The following AKAP12 variants were observed in gnomAD, a reference collection of about 807,000 sequenced individuals.
The protein encoded by AKAP12 is A-kinase anchor protein 12.
In AKAP12, 32 loss-of-function variants were observed where a neutral mutation model predicts 79.9. The ratio of observed to expected loss-of-function variants is 0.40; its 90% CI spans 0.30 to 0.54. The LOEUF (loss-of-function observed/expected upper bound fraction) is 0.54, where lower values mean the gene tolerates loss of function less well. Ranked by LOEUF, AKAP12 falls within the 20% of genes least tolerant of loss-of-function variation. AKAP12 has a pLI of 0.48. For missense variants in AKAP12, 2,074 were observed against 2,177.0 expected (o/e 0.95, Z 0.94); for synonymous variants, 808 against 857.0 (o/e 0.94, Z 1.00).
At chr6:151,277,424 G>C (rs1390621918) in intron 2 of AKAP12, among the ~76,000 whole-genome samples, 2 of 152,154 alleles carry the variant, frequency 1.3e-5, no homozygotes, top group Non-Finnish European at 2.9e-5. Context: ...TTTTTTAAGT[G>C]CAAAATGGAT....
In AKAP12 at chr6:151,248,336, C is replaced by T. The variant is rs185785291; in HGVS notation, c.162+7612C>T. Among the ~76,000 whole-genome samples, 159 of 151,112 alleles carry T rather than the reference C, an allele frequency of 1.1e-3. 1 individual carries two copies. Among genetic ancestry groups the T allele is most frequent in the African/African-American group, 3.5e-3 (145 of 41,122 alleles). On this transcript the variant is annotated intron_variant, in intron 2 of 4. Coordinates refer to ENST00000402676, the MANE Select transcript of AKAP12 (RefSeq NM_005100.4). Reference sequence around the variant, plus strand: ...CAGGCTAGTCTTGAACTCCCGGACTCAGGCCATCCTTTGGCCTCAGCCTCC... The same window carrying T: ...CAGGCTAGTCTTGAACTCCCGGACTTAGGCCATCCTTTGGCCTCAGCCTCC...
At chr6:151,297,487 C>T (rs755575033) in intron 2 of AKAP12, among the ~76,000 whole-genome samples, 6 of 150,346 alleles carry the variant, frequency 4.0e-5, no homozygotes, top group African/African-American at 7.3e-5. Context: ...GCAGGAGAAT[C>T]GCTTGAACCC....
chr6:151,340,081 A>G (rs529596413), intron 3 of AKAP12, among the ~76,000 whole-genome samples: 2 of 152,050 alleles, frequency 1.3e-5, no homozygotes, highest in East Asian at 3.9e-4. Context: ...GCCCACCACA[A>G]TGCCCGGCTA....
At chr6:151,259,010 G>A (rs1797357389) in intron 2 of AKAP12, among the ~76,000 whole-genome samples, 1 of 148,888 alleles carries the variant, frequency 6.7e-6, no homozygotes, top group Non-Finnish European at 1.5e-5. Flanking sequence ...ATGTGTGTGT[G>A]TATATATATA....
At chr6:151,297,887 G>GA (rs1490021688) in intron 2 of AKAP12, among the ~76,000 whole-genome samples, 1 of 152,172 alleles carries the variant, frequency 6.6e-6, no homozygotes, top group East Asian at 1.9e-4. Context: ...AAAGTACTGG[G>GA]ATAGCACGTG....
intron 3 of AKAP12, among the ~76,000 whole-genome samples, chr6:151,332,033 G>GTTTTTTTT (rs71014573): frequency 1.3e-5 from 1 of 79,674 alleles, no homozygotes; most frequent in South Asian, 5.6e-4. Context: ...TTCTGGGTCT[G>GTTTTTTTT]TTTTTTTTTT....
chr6:151,338,557 G>C (rs1777872983), intron 3 of AKAP12, among the ~76,000 whole-genome samples: 1 of 151,756 alleles, frequency 6.6e-6, no homozygotes, highest in Admixed American at 6.6e-5. Flanking sequence ...CCGGGTTTAA[G>C]CGATTCTCCC....
At chr6:151,345,917 G>A (rs1433127797) in intron 3 of AKAP12, among the ~76,000 whole-genome samples, 1 of 140,308 alleles carries the variant, frequency 7.1e-6, no homozygotes, top group Non-Finnish European at 1.5e-5. Context: ...GTGTGTGTGT[G>A]TGTGTGTGTG....
chr6:151,328,092 C>A (rs1777573222), intron 3 of AKAP12, among the ~76,000 whole-genome samples: 2 of 151,834 alleles, frequency 1.3e-5, no homozygotes, highest in Admixed American at 1.3e-4. Context: ...CTTTGGGAGG[C>A]CGAGGTGGGC....
At chr6:151,258,178 A>G (rs986036817) in intron 2 of AKAP12, among the ~76,000 whole-genome samples, 28 of 152,202 alleles carry the variant, frequency 1.8e-4, no homozygotes, top group African/African-American at 6.0e-4. Context: ...TGCAATGAAT[A>G]CTGGAGGTAT....
chr6:151,325,998 C>T, intron 3 of AKAP12: 1 of 1,444,576 alleles, frequency 6.9e-7, no homozygotes, highest in Non-Finnish European at 9.6e-7. Context: ...AGGTCAGTGG[C>T]GGGACCGTTA....
rs374901951 is a variant in AKAP12 at position 151,352,471 on chromosome 6, C to T, written c.4080C>T (p.His1360=). Reference sequence around the variant, plus strand: ...ATGTGAATGAAGAGAAGCTTGAGCACGAAACAGCTGTTACCGTATCTGAAG... The same window carrying T: ...ATGTGAATGAAGAGAAGCTTGAGCATGAAACAGCTGTTACCGTATCTGAAG... ...PTHVNEEKLE[H]ETAVTVSEEV... The change falls in exon 4 of 5, where the codon CAC becomes CAT. Residue 1360 remains histidine, a synonymous_variant. Coordinates refer to ENST00000402676, the MANE Select transcript of AKAP12 (RefSeq NM_005100.4). 3.8e-5 allele frequency: 61 copies of T among 1,614,042 alleles called. No homozygotes were observed. The highest frequency in any genetic ancestry group is 8.3e-5 in the Admixed American group (5 of 60,008).
intron 3 of AKAP12, among the ~76,000 whole-genome samples, chr6:151,337,734 A>G (rs1777854238): frequency 6.6e-6 from 1 of 151,984 alleles, no homozygotes; most frequent in Non-Finnish European, 1.5e-5. Flanking sequence ...TCATGTAGGT[A>G]TGAGATATAT....
At chr6:151,306,917 C>T (rs1776989815) in intron 3 of AKAP12, among the ~76,000 whole-genome samples, 1 of 152,180 alleles carries the variant, frequency 6.6e-6, no homozygotes, top group Non-Finnish European at 1.5e-5. Flanking sequence ...ACTCAAATTC[C>T]CAAGTCCAAA....
At chr6:151,310,370 AAAAACAAAAAC>A (rs1226829471) in intron 3 of AKAP12, among the ~76,000 whole-genome samples, 2 of 152,118 alleles carry the variant, frequency 1.3e-5, no homozygotes, top group African/African-American at 4.8e-5. Flanking sequence ...ATCTCAAAAA[AAAAACAAAAAC>A]AAAACAGAAA....
chr6:151,337,086 C>A (rs1777833121), intron 3 of AKAP12, among the ~76,000 whole-genome samples: 1 of 152,122 alleles, frequency 6.6e-6, no homozygotes, highest in Non-Finnish European at 1.5e-5. Context: ...TAATGTGAAG[C>A]AAATATCGGA....
chr6:151,319,531 T>C (rs566087229), intron 3 of AKAP12: 14 of 88,588 alleles, frequency 1.6e-4, no homozygotes, highest in African/African-American at 7.6e-4. Context: ...TATATAGATA[T>C]ATATATATAG....
At chr6:151,249,794 A>G (rs1797140605) in intron 2 of AKAP12, among the ~76,000 whole-genome samples, 1 of 152,232 alleles carries the variant, frequency 6.6e-6, no homozygotes, top group African/African-American at 2.4e-5. Flanking sequence ...ATAAACTGAA[A>G]GCATTGTGGG....
Position 151,351,758 on chromosome 6 carries a change from GCTC to G in AKAP12, c.3371_3373del (p.Pro1124del). ...GACCACCCCAGAAAGCTTTGAAAAAGCTCCTCAAGTCACAGAGAGCATAGAGTC... is the reference window on the plus strand; with the variant it reads ...GACCACCCCAGAAAGCTTTGAAAAAGCTCAAGTCACAGAGAGCATAGAGTC... On this transcript the variant is annotated inframe_deletion, in exon 4 of 5. Transcript: ENST00000402676. This position sits in a 1 kb window ranked among gnomAD's most constrained non-coding sequence, Gnocchi z 4.4. 3.1e-6 allele frequency: 5 copies of G among 1,614,140 alleles called. No individual in the cohort carries two copies. Among genetic ancestry groups the G allele is most frequent in the Non-Finnish European group, 4.2e-6 (5 of 1,180,020 alleles).
Sources: gnomAD v4.1 joint callset for allele counts (sites outside exome capture counted in the v4.1 genomes callset) on GRCh38, gnomAD v4.1.1 for gene constraint, Gnocchi (gnomAD v3.1) non-coding constraint, MANE v1.5 for transcripts, NCBI Gene and HGNC (gene_info 2026-07-23, HGNC 2026-07-21) for gene names.